The following RASGEF1C variants were observed in gnomAD, a reference collection of about 807,000 sequenced individuals.
RASGEF1C encodes the protein ras-GEF domain-containing family member 1C.
A neutral mutation model predicts 58.1 loss-of-function variants in RASGEF1C; 27 were observed. That is an observed-to-expected ratio of 0.46 (90% CI 0.34 to 0.64). The LOEUF (loss-of-function observed/expected upper bound fraction) is 0.64. Among genes scored for constraint, RASGEF1C ranks in the 30% least tolerant of loss-of-function variants. The pLI is 0.01. For synonymous variants in RASGEF1C, 243 were observed against 246.3 expected (o/e 0.99, Z 0.13); for missense variants, 502 against 605.1 (o/e 0.83, Z 1.79).
intron 1 of RASGEF1C, among the ~76,000 whole-genome samples, chr5:180,152,513 T>C (rs1415388804): frequency 1.6e-5 from 2 of 127,328 alleles, no homozygotes; most frequent in African/African-American, 3.1e-5. Context: ...AATTGAACAA[T>C]GAGAACACAT....
rs921981587 is a variant in RASGEF1C at position 180,155,539 on chromosome 5, G to T, written c.-6-17481C>A. On this transcript the variant is annotated intron_variant, in intron 1 of 13. Transcript: ENST00000361132. The surrounding 1 kb of genome is among the most constrained non-coding windows in gnomAD (Gnocchi z 5.2). Reference sequence around the variant, plus strand: ...CCTTCAACTCCTGCTGACAGATCCCGCTGTCTCCCTCAGGAAGCTCTTGTT... The same window carrying T: ...CCTTCAACTCCTGCTGACAGATCCCTCTGTCTCCCTCAGGAAGCTCTTGTT... Among the ~76,000 whole-genome samples, 1 of 152,030 alleles carries T rather than the reference G, an allele frequency of 6.6e-6. No individual in the cohort carries two copies. The highest frequency in any genetic ancestry group is 1.5e-5 in the Non-Finnish European group (1 of 68,002).
At chr5:180,119,257 G>A in intron 8 of RASGEF1C, 89 bp downstream of exon 8, 1 of 1,110,860 alleles carries the variant, frequency 9.0e-7, no homozygotes, top group Non-Finnish European at 1.4e-6. Flanking sequence ...GGAGAGCCCT[G>A]GCTTGCACTC....
intron 4 of RASGEF1C, among the ~76,000 whole-genome samples, chr5:180,134,054 G>C (rs1020570480): frequency 1.3e-5 from 2 of 152,152 alleles, no homozygotes; most frequent in Admixed American, 6.5e-5. Flanking sequence ...ATCTGGGTGG[G>C]CTCAAGCTGG....
intron 1 of RASGEF1C, among the ~76,000 whole-genome samples, chr5:180,173,792 A>C (rs776695408): frequency 3.5e-4 from 53 of 152,210 alleles, no homozygotes; most frequent in Non-Finnish European, 6.0e-4. Flanking sequence ...GGGCGCCTGT[A>C]ATCCCAGCTG....
chr5:180,136,284 G>A (rs1158743053), intron 4 of RASGEF1C, 94 bp downstream of exon 4: 48 of 1,268,102 alleles, frequency 3.8e-5, no homozygotes, highest in Non-Finnish European at 5.0e-5. Context: ...TGTGCAGGGT[G>A]GGGAGATGAG....
At chr5:180,105,595 C>T (rs550944653) in intron 12 of RASGEF1C, among the ~76,000 whole-genome samples, 14 of 148,172 alleles carry the variant, frequency 9.4e-5, no homozygotes, top group African/African-American at 2.3e-4. Flanking sequence ...AGGCTGGGCG[C>T]GGTGGCTCAC....
At chr5:180,151,327 G>T (rs1429925859) in intron 1 of RASGEF1C, among the ~76,000 whole-genome samples, 2 of 152,098 alleles carry the variant, frequency 1.3e-5, no homozygotes, top group African/African-American at 4.8e-5. Context: ...ATACTACAAG[G>T]CTACAGTAAC....
At chr5:180,126,195 C>T (rs1227760055) in intron 6 of RASGEF1C, among the ~76,000 whole-genome samples, 1 of 152,154 alleles carries the variant, frequency 6.6e-6, no homozygotes, top group Admixed American at 6.5e-5. Context: ...ATCACAAGGT[C>T]AGGAGATCGA....
At chr5:180,146,631 G>A (rs977312330) in intron 1 of RASGEF1C, among the ~76,000 whole-genome samples, 13 of 151,626 alleles carry the variant, frequency 8.6e-5, no homozygotes, top group African/African-American at 3.2e-4. Context: ...ATTGATTTTC[G>A]TATGTTGAAC....
At chr5:180,175,228 C>T (rs1278314849) in intron 1 of RASGEF1C, among the ~76,000 whole-genome samples, 1 of 147,638 alleles carries the variant, frequency 6.8e-6, no homozygotes, top group Non-Finnish European at 1.5e-5. Context: ...GGGGTTGGAG[C>T]CCCCCCAGCG....
chr5:180,151,691 T>C (rs1200204742), intron 1 of RASGEF1C, among the ~76,000 whole-genome samples: 1 of 151,868 alleles, frequency 6.6e-6, no homozygotes, highest in African/African-American at 2.4e-5. Flanking sequence ...CCAAAAGCAA[T>C]GGCAACAAAA....
intron 12 of RASGEF1C, among the ~76,000 whole-genome samples, chr5:180,106,780 T>A (rs1765880322): frequency 6.6e-6 from 1 of 152,234 alleles, no homozygotes; most frequent in South Asian, 2.1e-4. Flanking sequence ...GTTGATTAGA[T>A]TCCTGTTGTT....
rs528363371 is a variant in RASGEF1C at position 180,173,642 on chromosome 5, C to T, written c.-7+35386G>A. 3.0e-4 allele frequency among the ~76,000 whole-genome samples: 46 copies of T among 152,252 alleles called. 1 individual carries two copies. Among genetic ancestry groups the T allele is most frequent in the Admixed American group, 7.8e-4 (12 of 15,300 alleles). ...TAAAACTGGTGCAGTTGGCCGGGCA[C>T]GGTGGCTCCCGCCTGTAGTCCCAGC... On this transcript the variant is annotated intron_variant, in intron 1 of 13. Coordinates refer to ENST00000361132, the MANE Select transcript of RASGEF1C (RefSeq NM_175062.4).
chr5:180,199,058 C>T (rs1366403311), intron 1 of RASGEF1C, among the ~76,000 whole-genome samples: 2 of 152,158 alleles, frequency 1.3e-5, no homozygotes, highest in African/African-American at 2.4e-5. Flanking sequence ...GCCAAAAGGA[C>T]CACACCTCTC....
intron 1 of RASGEF1C, among the ~76,000 whole-genome samples, chr5:180,146,225 C>T (rs1236945061): frequency 6.6e-6 from 1 of 152,188 alleles, no homozygotes; most frequent in Non-Finnish European, 1.5e-5. Flanking sequence ...TCACTGCAAC[C>T]TCTGCCTCCC....
chr5:180,132,891 C>T (rs2113272138), intron 4 of RASGEF1C, among the ~76,000 whole-genome samples: 1 of 151,912 alleles, frequency 6.6e-6, no homozygotes, highest in Middle Eastern at 3.4e-3. Flanking sequence ...ATTGCTTGAA[C>T]CCAGGAGGTG....
chr5:180,198,189 C>G lies in RASGEF1C; in HGVS notation c.-7+10839G>C, dbSNP rs560505710. Among the ~76,000 whole-genome samples the G allele has an allele frequency of 1.6e-4, 24 of 152,310 alleles. 1 individual carries two copies. The highest frequency in any genetic ancestry group is 2.6e-4 in the Non-Finnish European group (18 of 68,030). On this transcript the variant is annotated intron_variant, in intron 1 of 13. Coordinates refer to ENST00000361132, the MANE Select transcript of RASGEF1C (RefSeq NM_175062.4). This position sits in a 1 kb window ranked among gnomAD's most constrained non-coding sequence, Gnocchi z 4.5. ...AAACTGGAAACAGGCAGGACAAAAGCGCACCCTTCTGCAGGCCCCAGCCCC... is the reference window on the plus strand; with the variant it reads ...AAACTGGAAACAGGCAGGACAAAAGGGCACCCTTCTGCAGGCCCCAGCCCC...
chr5:180,206,479 T>C (rs1178414969), intron 1 of RASGEF1C, among the ~76,000 whole-genome samples: 1 of 152,198 alleles, frequency 6.6e-6, no homozygotes, highest in Non-Finnish European at 1.5e-5. Flanking sequence ...CAGAAGACAC[T>C]GTGATACATC....
intron 6 of RASGEF1C, among the ~76,000 whole-genome samples, chr5:180,125,861 G>A (rs964428691): frequency 9.9e-5 from 15 of 152,004 alleles, no homozygotes; most frequent in African/African-American, 3.6e-4. Flanking sequence ...AGTTAATTGG[G>A]GTCCTTAATA....
Sources: allele counts gnomAD v4.1 joint callset (sites outside exome capture counted in the v4.1 genomes callset), GRCh38; gene constraint gnomAD v4.1.1; non-coding constraint Gnocchi (gnomAD v3.1); transcripts MANE v1.5; gene names NCBI Gene and HGNC (gene_info 2026-07-23, HGNC 2026-07-21).